Variants in CALN1 observed in about 807,000 individuals in gnomAD.
CALN1 encodes calneuron 1.
In CALN1, 17 loss-of-function variants were observed where a neutral mutation model predicts 30.6. The observed-to-expected ratio is 0.56, with a 90% confidence interval of 0.38 to 0.83. The LOEUF (loss-of-function observed/expected upper bound fraction) is 0.83. Among genes scored for constraint, CALN1 ranks in the 40% least tolerant of loss-of-function variants. The pLI is 0.00. For missense variants in CALN1, 291 were observed against 354.9 expected, an observed-to-expected ratio of 0.82 and a Z score of 1.45; for synonymous variants, 156 against 131.4, an observed-to-expected ratio of 1.19 and a Z score of -1.28.
intron 6 of CALN1, among the ~76,000 whole-genome samples, chr7:71,798,117 C>CAGAGACAGAGAGAG (rs1342820240): frequency 1.6e-5 from 1 of 62,296 alleles, no homozygotes; most frequent in African/African-American, 7.1e-5. Context: ...GAGACAGAGA[C>CAGAGACAGAGAGAG]AGAGACAGAG....
At chr7:72,106,985 GA>G (rs1165926753) in intron 3 of CALN1, among the ~76,000 whole-genome samples, 9 of 148,084 alleles carry the variant, frequency 6.1e-5, no homozygotes, top group Non-Finnish European at 1.3e-4. Flanking sequence ...GAGAAAGAAA[GA>G]AAGGAAAGAA....
intron 3 of CALN1, among the ~76,000 whole-genome samples, chr7:72,163,662 G>A (rs1255104533): frequency 6.6e-6 from 1 of 152,090 alleles, no homozygotes; most frequent in African/African-American, 2.4e-5. Flanking sequence ...CACTGGATGG[G>A]CTTAACAGAA....
intron 5 of CALN1, 58 bp from the exon 6 acceptor site, chr7:71,810,550 C>T (rs1046834380): frequency 5.9e-5 from 92 of 1,570,232 alleles, no homozygotes; most frequent in Admixed American, 1.0e-4. Context: ...GAAGTTGGCT[C>T]GGGCCATGAC....
At chr7:72,462,767 A>G in the CALN1 span, among the ~76,000 whole-genome samples, 1 of 152,094 alleles carries the variant, frequency 6.6e-6, no homozygotes. Context: ...AAGAGGAGAG[A>G]TTTACACATG....
At chr7:71,801,822 C>CA (rs1203955665) in intron 6 of CALN1, among the ~76,000 whole-genome samples, 2 of 151,580 alleles carry the variant, frequency 1.3e-5, no homozygotes, top group African/African-American at 4.8e-5. Flanking sequence ...ACTAAAAATA[C>CA]AAAAAATTAG....
intron 2 of CALN1, among the ~76,000 whole-genome samples, chr7:72,310,434 A>G (rs958131703): frequency 6.0e-5 from 9 of 150,822 alleles, no homozygotes; most frequent in African/African-American, 2.2e-4. Context: ...CAGCAGTGCT[A>G]ATATCAGTAG....
At chr7:72,451,212 G>GAAGAAGAAGAAGA (rs1562973699), upstream of CALN1, among the ~76,000 whole-genome samples, 70 of 102,108 alleles carry the variant, frequency 6.9e-4, no homozygotes, top group African/African-American at 3.7e-3. Context: ...GAAGAAGAAG[G>GAAGAAGAAGAAGA]AGGAGGAGGA....
chr7:72,083,329 T>C (rs1323155305), intron 4 of CALN1, among the ~76,000 whole-genome samples: 3 of 152,164 alleles, frequency 2.0e-5, no homozygotes, highest in Non-Finnish European at 4.4e-5. Context: ...AAAGATCTCA[T>C]GGTGAAATAC....
chr7:71,888,015 AT>A (rs1281216694), intron 5 of CALN1, among the ~76,000 whole-genome samples: 3 of 152,160 alleles, frequency 2.0e-5, no homozygotes, highest in African/African-American at 7.2e-5. Context: ...ACTTGCAACC[AT>A]GGCACTAAAG....
chr7:72,113,535 C>T (rs975888340), intron 3 of CALN1, among the ~76,000 whole-genome samples: 7 of 152,226 alleles, frequency 4.6e-5, no homozygotes, highest in African/African-American at 1.7e-4. Flanking sequence ...TTGCAATGGG[C>T]CTTCACAGCC....
intron 5 of CALN1, among the ~76,000 whole-genome samples, chr7:71,839,753 A>G (rs1584341704): frequency 6.6e-6 from 1 of 152,142 alleles, no homozygotes; most frequent in South Asian, 2.1e-4. Context: ...GGCTGGCTGG[A>G]CTTCTTATGG....
intron 4 of CALN1, among the ~76,000 whole-genome samples, chr7:72,049,080 AT>A (rs1453171170): frequency 6.6e-6 from 1 of 152,094 alleles, no homozygotes; most frequent in Non-Finnish European, 1.5e-5. Context: ...AAGTGCTGGG[AT>A]TATCGGTGTG....
intron 2 of CALN1, among the ~76,000 whole-genome samples, chr7:72,332,630 C>T: frequency 6.6e-6 from 1 of 152,112 alleles, no homozygotes; most frequent in Non-Finnish European, 1.5e-5. Context: ...CCACTGAGAT[C>T]CCCTGGACTG....
chr7:72,226,067 G>T (rs1033013595), intron 3 of CALN1, among the ~76,000 whole-genome samples: 1 of 142,122 alleles, frequency 7.0e-6, no homozygotes, highest in Non-Finnish European at 1.5e-5. Context: ...CTGCACTCCA[G>T]CCTGGTGACA....
intron 3 of CALN1, among the ~76,000 whole-genome samples, chr7:72,138,995 C>A (rs1468949582): frequency 6.6e-6 from 1 of 152,230 alleles, no homozygotes; most frequent in African/African-American, 2.4e-5. Context: ...AGCGTTCAAT[C>A]TCAAAAATTC....
chr7:71,801,215 T>G (rs1345673499), intron 6 of CALN1, among the ~76,000 whole-genome samples: 1 of 152,118 alleles, frequency 6.6e-6, no homozygotes, highest in Non-Finnish European at 1.5e-5. Context: ...GTTAAAATTC[T>G]TTTTATAAAA....
chr7:72,371,717 T>TA (rs1277240427), intron 2 of CALN1, among the ~76,000 whole-genome samples: 1 of 152,228 alleles, frequency 6.6e-6, no homozygotes, highest in Non-Finnish European at 1.5e-5. Flanking sequence ...ATGTATTCCA[T>TA]ATGGATAACT....
intron 5 of CALN1, among the ~76,000 whole-genome samples, chr7:71,902,073 A>G (rs185194140): frequency 7.7e-4 from 118 of 152,320 alleles, no homozygotes; most frequent in Non-Finnish European, 1.1e-3. Flanking sequence ...CAATTCAACA[A>G]GAAGATAACA....
chr7:72,213,790 G>A (rs936005688), intron 3 of CALN1, among the ~76,000 whole-genome samples: 7 of 152,152 alleles, frequency 4.6e-5, no homozygotes, highest in African/African-American at 1.7e-4. Context: ...AAACAGGGAG[G>A]GAGAAGGATG....
Sources: gnomAD v4.1 joint callset for allele counts (sites outside exome capture counted in the v4.1 genomes callset) on GRCh38, gnomAD v4.1.1 for gene constraint, MANE v1.5 for transcripts, NCBI Gene and HGNC (gene_info 2026-07-23, HGNC 2026-07-21) for gene names.